LGR4: variants seen among roughly 807,000 people sequenced by gnomAD.
LGR4 encodes leucine-rich repeat-containing G protein-coupled receptor 4.
A neutral mutation model predicts 84.8 loss-of-function variants in LGR4; 44 were observed. The observed-to-expected ratio is 0.52, with a 90% confidence interval of 0.41 to 0.67. The LOEUF (loss-of-function observed/expected upper bound fraction) is 0.67, where lower values mean the gene tolerates loss of function less well. LGR4 is among the 30% of genes least tolerant of loss of function. The pLI, the probability that LGR4 is intolerant of heterozygous loss-of-function variation, is 0.00. For missense variants in LGR4, 1,032 were observed against 1,131.4 expected, an observed-to-expected ratio of 0.91 and a Z score of 1.26; for synonymous variants, 429 against 434.3, an observed-to-expected ratio of 0.99 and a Z score of 0.15.
At chr11:27,370,436 A>T (rs1862858646) in intron 17 of LGR4, among the ~76,000 whole-genome samples, 1 of 152,204 alleles carries the variant, frequency 6.6e-6, no homozygotes, top group Non-Finnish European at 1.5e-5. Flanking sequence ...GAGAAAGGTT[A>T]CTTTTCCAAA....
intron 2 of LGR4, among the ~76,000 whole-genome samples, chr11:27,409,469 T>A (rs1481310490): frequency 1.3e-5 from 2 of 152,114 alleles, no homozygotes; most frequent in African/African-American, 4.8e-5. Flanking sequence ...CTTATCTTTA[T>A]CAAATGGAAT....
At chr11:27,472,039 C>A in intron 1 of LGR4, 79 bp downstream of exon 1, 2 of 1,101,620 alleles carry the variant, frequency 1.8e-6, no homozygotes, top group East Asian at 3.6e-5. Flanking sequence ...GTGGGACTGA[C>A]CCCTGGCTCC....
intron 2 of LGR4, among the ~76,000 whole-genome samples, chr11:27,401,356 T>G (rs1863499909): frequency 6.6e-6 from 1 of 152,174 alleles, no homozygotes; most frequent in Non-Finnish European, 1.5e-5. Context: ...CTCCCACTTC[T>G]TACAGGAACC....
chr11:27,406,559 T>C (rs1460264086), intron 2 of LGR4, among the ~76,000 whole-genome samples: 1 of 152,148 alleles, frequency 6.6e-6, no homozygotes, highest in Non-Finnish European at 1.5e-5. Flanking sequence ...ATACGGCATA[T>C]TAGCACAAAC....
intron 17 of LGR4, 66 bp from the exon 18 acceptor site, chr11:27,369,209 ATGG>A (rs1399379706): frequency 1.6e-6 from 2 of 1,258,536 alleles, no homozygotes; most frequent in Non-Finnish European, 2.2e-6. Context: ...AGAAAATGAT[ATGG>A]CTTGATAGAA....
intron 1 of LGR4, among the ~76,000 whole-genome samples, chr11:27,438,700 G>T (rs984736756): frequency 6.6e-6 from 1 of 152,156 alleles, no homozygotes; most frequent in African/African-American, 2.4e-5. Flanking sequence ...AAAAGGTGAA[G>T]TAAAGGAGAA....
chr11:27,417,288 A>C (rs956668202), intron 1 of LGR4, among the ~76,000 whole-genome samples: 3 of 152,126 alleles, frequency 2.0e-5, no homozygotes, highest in African/African-American at 7.2e-5. Context: ...CCATAAACTC[A>C]AAAAACACAT....
In LGR4 at chr11:27,373,337, T is replaced by A. The variant is rs1590342544; in HGVS notation, c.1379+214A>T. The A allele has an allele frequency of 7.2e-6, 3 of 416,280 alleles. No homozygotes were observed. The East Asian group carries it at 1.1e-4, about 15-fold the overall frequency. 25.8% of individuals were successfully genotyped at this position (416,280 alleles called of 1,614,324 possible). ...TCTGGTGAATAGCTGTATTATCTCTTTGAGGCCATCAAGGGCTCCAGTTCA... is the reference window on the plus strand; with the variant it reads ...TCTGGTGAATAGCTGTATTATCTCTATGAGGCCATCAAGGGCTCCAGTTCA... On this transcript the variant is annotated intron_variant, in intron 15 of 17. Transcript: ENST00000379214.
chr11:27,367,793 G>T lies in LGR4; in HGVS notation c.*74C>A. 1.8e-6 allele frequency: 2 copies of T among 1,104,990 alleles called. No homozygotes were observed. The highest frequency in any genetic ancestry group is 1.3e-6 in the Non-Finnish European group (1 of 770,602). 68.4% of individuals were successfully genotyped at this position (1,104,990 alleles called of 1,614,324 possible). On this transcript the variant is annotated 3_prime_UTR_variant, in exon 18 of 18. Transcript: ENST00000379214. ...GTGATTACAGAAGTGCTTCCCAGAT[G>T]AAAGATGAGAATAGGGTTCACTCTA... is the stretch of plus-strand genomic sequence containing the variant.
intron 1 of LGR4, among the ~76,000 whole-genome samples, chr11:27,443,548 T>C (rs1325161868): frequency 6.6e-6 from 1 of 152,168 alleles, no homozygotes; most frequent in African/African-American, 2.4e-5. Flanking sequence ...AATGTACAAA[T>C]TAAAAAATAT....
intron 1 of LGR4, among the ~76,000 whole-genome samples, chr11:27,430,908 C>A (rs1357916322): frequency 6.6e-6 from 1 of 151,146 alleles, no homozygotes; most frequent in Non-Finnish European, 1.5e-5. Context: ...GCTCCCCCAA[C>A]CCCCACAAGC....
intron 1 of LGR4, among the ~76,000 whole-genome samples, chr11:27,426,154 T>G (rs923200325): frequency 6.6e-6 from 1 of 152,168 alleles, no homozygotes; most frequent in Non-Finnish European, 1.5e-5. Context: ...AGGGAAGACA[T>G]ATAAAATATC....
intron 1 of LGR4, among the ~76,000 whole-genome samples, chr11:27,462,879 A>T (rs949042469): frequency 5.3e-5 from 8 of 151,920 alleles, no homozygotes; most frequent in African/African-American, 1.9e-4. Flanking sequence ...TAAAAAAAAG[A>T]AAAAGAAAGG....
intron 1 of LGR4, among the ~76,000 whole-genome samples, chr11:27,418,391 A>C (rs1355111629): frequency 6.6e-6 from 1 of 152,232 alleles, no homozygotes; most frequent in Non-Finnish European, 1.5e-5. Flanking sequence ...CACGACTAGA[A>C]TCCAACCAAG....
chr11:27,410,726 A>G (rs889953499), intron 2 of LGR4, among the ~76,000 whole-genome samples: 4 of 152,168 alleles, frequency 2.6e-5, no homozygotes, highest in Non-Finnish European at 5.9e-5. Flanking sequence ...TAAAAATAAC[A>G]TTCTGCTCTC....
At chr11:27,472,005 C>T in intron 1 of LGR4, 113 bp downstream of exon 1, 1 of 744,000 alleles carries the variant, frequency 1.3e-6, no homozygotes. Context: ...TCCCCAGGCC[C>T]GGGCGGCGGC....
At chr11:27,386,004 T>C (rs970694932) in intron 4 of LGR4, among the ~76,000 whole-genome samples, 1 of 152,156 alleles carries the variant, frequency 6.6e-6, no homozygotes, top group Admixed American at 6.6e-5. Flanking sequence ...TTATTACCTC[T>C]AGGCAAGTTA....
At chr11:27,434,487 G>A (rs1293937095) in intron 1 of LGR4, among the ~76,000 whole-genome samples, 12 of 152,180 alleles carry the variant, frequency 7.9e-5, no homozygotes, top group Admixed American at 5.2e-4. Flanking sequence ...TTTTGGTGAA[G>A]TAGAGGCCTG....
intron 1 of LGR4, among the ~76,000 whole-genome samples, chr11:27,458,337 G>A (rs1377983608): frequency 6.6e-6 from 1 of 152,100 alleles, no homozygotes; most frequent in Non-Finnish European, 1.5e-5. Flanking sequence ...GGTTGGAGGT[G>A]AAGAGAGGAG....
Sources: allele counts gnomAD v4.1 joint callset (sites outside exome capture counted in the v4.1 genomes callset), GRCh38; gene constraint gnomAD v4.1.1; transcripts MANE v1.5; gene names NCBI Gene and HGNC (gene_info 2026-07-23, HGNC 2026-07-21).